The following RAD51 variants were observed in gnomAD, a reference collection of about 807,000 sequenced individuals.
The protein encoded by RAD51 is RAD51 recombinase, also known as DNA repair protein RAD51 homolog 1.
RAD51 carries 14 observed loss-of-function variants against 41.5 expected under a neutral mutation model. The observed-to-expected ratio is 0.34, with a 90% CI of 0.22 to 0.53. The LOEUF (loss-of-function observed/expected upper bound fraction) is 0.53. Among genes scored for constraint, RAD51 ranks in the 20% least tolerant of loss-of-function variants. The pLI is 0.95. For missense variants in RAD51, 234 were observed against 422.0 expected, an observed-to-expected ratio of 0.55 and a Z score of 3.90; for synonymous variants, 136 against 148.6, an observed-to-expected ratio of 0.92 and a Z score of 0.62.
intron 6 of RAD51, among the ~76,000 whole-genome samples, chr15:40,726,272 T>C (rs938107918): frequency 2.0e-5 from 3 of 148,562 alleles, no homozygotes; most frequent in Non-Finnish European, 3.0e-5. Flanking sequence ...AGACGGAGTT[T>C]CACTCTTGTC....
At chr15:40,701,871 C>A (rs1291810718) in intron 3 of RAD51, 1 of 381,984 alleles carries the variant, frequency 2.6e-6, no homozygotes, top group Non-Finnish European at 5.2e-6. Context: ...GCACCCTCCG[C>A]CTCTCAGGTT....
chr15:40,697,574 CTTTTTTTTTT>C (rs11340353), intron 1 of RAD51, among the ~76,000 whole-genome samples: 3 of 105,512 alleles, frequency 2.8e-5, no homozygotes, highest in South Asian at 3.0e-4. Flanking sequence ...GATGATATTT[CTTTTTTTTTT>C]TTTTTTTTTT....
chr15:40,719,157 A>C (rs1444067369), intron 6 of RAD51, among the ~76,000 whole-genome samples: 1 of 151,486 alleles, frequency 6.6e-6, no homozygotes, highest in Non-Finnish European at 1.5e-5. Flanking sequence ...TCCCGGGTTC[A>C]AGCAACTCTC....
At chr15:40,706,715 A>G (rs1295846857) in intron 4 of RAD51, among the ~76,000 whole-genome samples, 1 of 152,204 alleles carries the variant, frequency 6.6e-6, no homozygotes, top group East Asian at 1.9e-4. Context: ...ACAAAGAGAG[A>G]TAAAGGAAGT....
At chr15:40,725,985 C>CA (rs1244931993) in intron 6 of RAD51, among the ~76,000 whole-genome samples, 1 of 150,548 alleles carries the variant, frequency 6.6e-6, no homozygotes, top group African/African-American at 2.4e-5. Context: ...GACTCCATCT[C>CA]AAAAAAACAA....
chr15:40,701,292 C>T (rs950167567), intron 3 of RAD51, 91 bp downstream of exon 3: 30 of 1,383,370 alleles, frequency 2.2e-5, no homozygotes, highest in Non-Finnish European at 2.2e-5. Flanking sequence ...ATCTCTTATT[C>T]TTCGGTCATC....
chr15:40,724,491 G>A (rs1045877261), intron 6 of RAD51, among the ~76,000 whole-genome samples: 1 of 151,832 alleles, frequency 6.6e-6, no homozygotes, highest in Non-Finnish European at 1.5e-5. Context: ...TGAATATTTT[G>A]CTGACAAAAA....
intron 5 of RAD51, among the ~76,000 whole-genome samples, chr15:40,715,493 T>G (rs746632281): frequency 6.6e-6 from 1 of 152,172 alleles, no homozygotes; most frequent in East Asian, 1.9e-4. Context: ...ATTAAAATGG[T>G]AAAAGTTAGA....
chr15:40,706,874 C>A (rs1046349908), intron 4 of RAD51, among the ~76,000 whole-genome samples: 2 of 152,198 alleles, frequency 1.3e-5, no homozygotes, highest in African/African-American at 2.4e-5. Flanking sequence ...GTAATTATAA[C>A]CTACTCTACC....
chr15:40,710,984 T>C (rs556398339), intron 5 of RAD51, among the ~76,000 whole-genome samples: 3 of 152,354 alleles, frequency 2.0e-5, no homozygotes, highest in East Asian at 1.9e-4. Context: ...CCTTTACTTA[T>C]GCTCCTATTG....
At chr15:40,707,752 C>G (rs1895443698) in intron 4 of RAD51, among the ~76,000 whole-genome samples, 1 of 152,042 alleles carries the variant, frequency 6.6e-6, no homozygotes, top group African/African-American at 2.4e-5. Context: ...GAGTCTTGCT[C>G]TGTTGCCCAG....
At chr15:40,708,866 G>A (rs1180181316) in intron 4 of RAD51, among the ~76,000 whole-genome samples, 159 bp from the exon 5 acceptor site, 1 of 152,216 alleles carries the variant, frequency 6.6e-6, no homozygotes, top group Non-Finnish European at 1.5e-5. Flanking sequence ...GAGCCACCAC[G>A]GCTAGCCTCA....
chr15:40,700,896 G>T (rs1387154426), intron 2 of RAD51, among the ~76,000 whole-genome samples, 168 bp from the exon 3 acceptor site: 3 of 152,118 alleles, frequency 2.0e-5, no homozygotes, highest in Non-Finnish European at 4.4e-5. Flanking sequence ...GTTATCTGCT[G>T]GGGGTCCTGG....
At position 40,729,526 on chromosome 15, in the gene RAD51, C is replaced by T. The variant is rs1221600852; in HGVS notation, c.666C>T (p.Asp222=). The change falls in exon 8 of 10, where the codon GAC becomes GAT. Residue 222 remains aspartate, a synonymous_variant. Coordinates refer to ENST00000267868, the MANE Select transcript of RAD51 (RefSeq NM_002875.5). ...VESRYALLIV[D]SATALYRTDY... is the part of the protein sequence containing the mutation. Reference sequence around the variant, plus strand: ...GTAGGTATGCACTGCTTATTGTAGACAGTGCCACCGCCCTTTACAGAACAG... The same window carrying T: ...GTAGGTATGCACTGCTTATTGTAGATAGTGCCACCGCCCTTTACAGAACAG... 5 of 1,613,944 alleles carry T rather than the reference C, an allele frequency of 3.1e-6. No homozygotes were observed. The highest frequency in any genetic ancestry group is 4.2e-6 in the Non-Finnish European group (5 of 1,179,944).
rs555409580 is a variant in RAD51 at position 40,731,781 on chromosome 15, A to G, written c.*603A>G. ...TAAGACTAACTCAAGATAATCCTAG[A>G]GTCTTAAAGCATTTCAGGCCAGTGT... is the stretch of plus-strand genomic sequence containing the variant. On this transcript the variant is annotated 3_prime_UTR_variant, in exon 10 of 10. Coordinates refer to ENST00000267868, the MANE Select transcript of RAD51 (RefSeq NM_002875.5). The G allele has an allele frequency of 1.4e-5, 3 of 216,078 alleles. No homozygotes were observed. In the South Asian group the frequency reaches 5.3e-4, roughly 38 times the overall value. 13.4% of individuals were successfully genotyped at this position (216,078 alleles called of 1,614,324 possible). A position where few individuals can be genotyped will look rare whatever the true frequency, so the allele number is the denominator to read the frequency against.
intron 5 of RAD51, among the ~76,000 whole-genome samples, chr15:40,712,601 C>T (rs929083423): frequency 2.6e-5 from 4 of 152,176 alleles, no homozygotes; most frequent in Non-Finnish European, 5.9e-5. Flanking sequence ...CATAAGTGGC[C>T]AGTCCACAAA....
intron 6 of RAD51, among the ~76,000 whole-genome samples, chr15:40,724,674 C>CTTTTTTT (rs869156620): frequency 1.8e-4 from 17 of 94,348 alleles, no homozygotes; most frequent in Admixed American, 6.1e-4. Context: ...TTTTTTATTT[C>CTTTTTTT]TTTTTTTTTT....
At position 40,720,711 on chromosome 15, in the gene RAD51, T is replaced by C. The variant is rs548678559; in HGVS notation, c.530+1812T>C. On this transcript the variant is annotated intron_variant, in intron 6 of 9. Coordinates refer to ENST00000267868, the MANE Select transcript of RAD51 (RefSeq NM_002875.5). ...ACAATAACAATTCAAAAGTAAAACTTGAAAAAAAAACTTCATTCACAGTAG... is the reference window on the plus strand; with the variant it reads ...ACAATAACAATTCAAAAGTAAAACTCGAAAAAAAAACTTCATTCACAGTAG... Among the ~76,000 whole-genome samples the C allele has an allele frequency of 2.6e-5, 4 of 151,166 alleles. 1 individual carries two copies. The South Asian group carries it at 8.4e-4, about 32-fold the overall frequency.
At chr15:40,730,964 T>C in intron 9 of RAD51, 91 bp from the exon 10 acceptor site, 1 of 1,531,978 alleles carries the variant, frequency 6.5e-7, no homozygotes, top group East Asian at 2.3e-5. Flanking sequence ...GAAGAATATA[T>C]GTCTAAAAAA....
Sources: gnomAD v4.1 joint callset for allele counts (sites outside exome capture counted in the v4.1 genomes callset) on GRCh38, gnomAD v4.1.1 for gene constraint, MANE v1.5 for transcripts, NCBI Gene and HGNC (gene_info 2026-07-23, HGNC 2026-07-21) for gene names.